The following PPIB variants were observed in gnomAD, a reference collection of about 807,000 sequenced individuals.
PPIB encodes the protein peptidylprolyl isomerase B.
Under a neutral mutation model 20.1 loss-of-function variants are expected in PPIB, and 15 were observed. That is an observed-to-expected ratio of 0.75 (90% CI 0.50 to 1.15). The LOEUF is 1.15. PPIB is among the 50% of genes most tolerant of loss of function. The pLI is 0.00. For missense variants in PPIB, 278 were observed against 283.0 expected (o/e 0.98, Z 0.13); for synonymous variants, 129 against 111.0 (o/e 1.16, Z -1.02).
Position 64,162,739 on chromosome 15 carries a change from A to C in PPIB, c.135+113T>G, listed in dbSNP as rs1346648200. On this transcript the variant is annotated intron_variant, in intron 1 of 4. Transcript: ENST00000300026. ...CTGGACTGAATGGGCAGGACGGCCCAGACGCCACGAGGCCACAGACAGAAG... is the reference window on the plus strand; with the variant it reads ...CTGGACTGAATGGGCAGGACGGCCCCGACGCCACGAGGCCACAGACAGAAG... 2.0e-6 allele frequency: 3 copies of C among 1,513,432 alleles called. No homozygotes were observed. The African/African-American group carries it at 4.2e-5, about 21-fold the overall frequency. The allele number at this position is 1,513,432 out of a possible 1,614,324, so 93.8% of individuals were successfully genotyped here.
At position 64,158,440 on chromosome 15, in the gene PPIB, T is replaced by C. The variant is rs2081547621; in HGVS notation, c.344-1531A>G. 6.6e-6 allele frequency among the ~76,000 whole-genome samples: 1 copy of C among 152,202 alleles called. No individual in the cohort carries two copies. Among genetic ancestry groups the C allele is most frequent in the Non-Finnish European group, 1.5e-5 (1 of 68,020 alleles). ...GGCTAGAGTTCAGACCAAGGTGGTC[T>C]GCTCTCGAATCTCTGCTCTCAGCCA... On this transcript the variant is annotated intron_variant, in intron 3 of 4. Coordinates refer to ENST00000300026, the MANE Select transcript of PPIB (RefSeq NM_000942.5). The surrounding 1 kb of genome is among the most constrained non-coding windows in gnomAD (Gnocchi z 4.7).
Position 64,163,004 on chromosome 15 carries a change from A to G in PPIB, c.-18T>C. The G allele has an allele frequency of 1.2e-6, 2 of 1,604,962 alleles. No homozygotes were observed. Among genetic ancestry groups the G allele is most frequent in the African/African-American group, 1.3e-5 (1 of 74,684 alleles). ...CGCAGCATCCACAGGCGGAGGCGAA[A>G]GCAGCCCGGACAGCTGAGGCCGGAA... On this transcript the variant is annotated 5_prime_UTR_variant, in exon 1 of 5. Transcript: ENST00000300026.
intron 1 of PPIB, among the ~76,000 whole-genome samples, 157 bp downstream of exon 1, chr15:64,162,695 G>A (rs998456698): frequency 6.6e-6 from 1 of 152,200 alleles, no homozygotes; most frequent in Non-Finnish European, 1.5e-5. Context: ...GGGGTGTCGG[G>A]GTGGGTCCGG....
In PPIB at chr15:64,158,503, G is replaced by A. The variant is rs539740780; in HGVS notation, c.344-1594C>T. Among the ~76,000 whole-genome samples, 13 of 152,290 alleles carry A rather than the reference G, an allele frequency of 8.5e-5. No individual in the cohort carries two copies. The South Asian group carries it at 2.7e-3, about 32-fold the overall frequency. ...GTCCAAATCTCCCTGCCCAGGGTCA[G>A]TGGCACCAATGCCCCCAGCAGCCTG... On this transcript the variant is annotated intron_variant, in intron 3 of 4. Coordinates refer to ENST00000300026, the MANE Select transcript of PPIB (RefSeq NM_000942.5). This position sits in a 1 kb window ranked among gnomAD's most constrained non-coding sequence, Gnocchi z 4.7.
rs1394402973 is a variant in PPIB at position 64,156,394 on chromosome 15, A to C, written c.529-249T>G. On this transcript the variant is annotated intron_variant, in intron 4 of 4. Transcript: ENST00000300026. This position sits in a 1 kb window ranked among gnomAD's most constrained non-coding sequence, Gnocchi z 6.4. ...TGGGCCAAGGGTGAGGAGGAGGAAG[A>C]GGGTGACCAGGGCATGTGGCTTCTC... The C allele has an allele frequency of 3.2e-6, 2 of 632,696 alleles. No homozygotes were observed. The highest frequency in any genetic ancestry group is 1.8e-5 in the South Asian group (1 of 54,276). 39.2% of individuals were successfully genotyped at this position (632,696 alleles called of 1,614,324 possible).
Position 64,162,847 on chromosome 15 carries a change from C to A in PPIB, c.135+5G>T, listed in dbSNP as rs2140184711. On this transcript the variant is annotated splice_donor_5th_base_variant and intron_variant, in intron 1 of 4. Transcript: ENST00000300026. The stretch of plus-strand genomic sequence containing the variant: ...GCACCGTAAATGCCGCGGACTCCAC[C>A]GGACCTTGACGGTGACTTTGGGCCC... 6.2e-7 allele frequency: 1 copy of A among 1,609,872 alleles called. No homozygotes were observed. The highest frequency in any genetic ancestry group is 2.2e-5 in the East Asian group (1 of 44,710).
Position 64,157,996 on chromosome 15 carries a change from T to C in PPIB, c.344-1087A>G, listed in dbSNP as rs1331249701. 6.6e-6 allele frequency among the ~76,000 whole-genome samples: 1 copy of C among 152,184 alleles called. No homozygotes were observed. The highest frequency in any genetic ancestry group is 1.5e-5 in the Non-Finnish European group (1 of 68,026). On this transcript the variant is annotated intron_variant, in intron 3 of 4. Transcript: ENST00000300026. This position sits in a 1 kb window ranked among gnomAD's most constrained non-coding sequence, Gnocchi z 4.2. ...AGTGCTGGCTAAAAGCCTCCCCCAT[T>C]TGAGCCAACTGTGGGATTTTGATTA... is the stretch of plus-strand genomic sequence containing the variant.
chr15:64,155,912 G>C lies in PPIB; in HGVS notation c.*111C>G. 1 of 1,522,690 alleles carries C rather than the reference G, an allele frequency of 6.6e-7. No individual in the cohort carries two copies. The highest frequency in any genetic ancestry group is 1.1e-5 in the South Asian group (1 of 88,922). The allele number at this position is 1,522,690 out of a possible 1,614,324, so 94.3% of individuals were successfully genotyped here. ...TCCATGGGCCTGTGGAATGTGAGGG[G>C]AGTGGGTCCGCTCCACCAGATGCCA... is the stretch of plus-strand genomic sequence containing the variant. On this transcript the variant is annotated 3_prime_UTR_variant, in exon 5 of 5. Transcript: ENST00000300026.
rs1203635251 is a variant in PPIB at position 64,160,266 on chromosome 15, T to G, written c.250-69A>C. 2 of 1,252,274 alleles carry G rather than the reference T, an allele frequency of 1.6e-6. No homozygotes were observed. The highest frequency in any genetic ancestry group is 3.4e-5 in the Admixed American group (2 of 58,090). The allele number at this position is 1,252,274 out of a possible 1,614,324, so 77.6% of individuals were successfully genotyped here. A position where few individuals can be genotyped will look rare whatever the true frequency, so the allele number is the denominator to read the frequency against. On this transcript the variant is annotated intron_variant, in intron 2 of 4. Coordinates refer to ENST00000300026, the MANE Select transcript of PPIB (RefSeq NM_000942.5). The surrounding 1 kb of genome is among the most constrained non-coding windows in gnomAD (Gnocchi z 4.8). The stretch of plus-strand genomic sequence containing the variant: ...AGGAAGACATTACATTAAATAGGCC[T>G]CACAGGAACAAGTCCACAACTCCTG...
rs1273830949 is a variant in PPIB, at chr15:64,161,409, C to T, written c.249+632G>A. 1.3e-5 allele frequency among the ~76,000 whole-genome samples: 2 copies of T among 151,982 alleles called. No individual in the cohort carries two copies. Among genetic ancestry groups the T allele is most frequent in the Non-Finnish European group, 2.9e-5 (2 of 67,994 alleles). ...CTGTAGCTGGGACCACAGGTGCACC[C>T]CGTCACACCCAGCTAATTAAAAAAA... On this transcript the variant is annotated intron_variant, in intron 2 of 4. Transcript: ENST00000300026. This position sits in a 1 kb window ranked among gnomAD's most constrained non-coding sequence, Gnocchi z 4.2.
chr15:64,162,825 C>A, intron 1 of PPIB, 27 bp downstream of exon 1: 1 of 1,605,978 alleles, frequency 6.2e-7, no homozygotes, highest in Non-Finnish European at 8.5e-7. Flanking sequence ...AGCTCCGGCA[C>A]CGTAAATGCC....
rs1217040932 is a variant in PPIB, at chr15:64,160,951, GT to G, written c.250-755del. Among the ~76,000 whole-genome samples the G allele has an allele frequency of 6.7e-6, 1 of 149,666 alleles. No individual in the cohort carries two copies. Among genetic ancestry groups the G allele is most frequent in the Non-Finnish European group, 1.5e-5 (1 of 67,404 alleles). ...AGGTGTGAGCCACCATGCCCAGCCT[GT>G]TTTTTTATTTTTTATTTTTATTTTT... On this transcript the variant is annotated intron_variant, in intron 2 of 4. Transcript: ENST00000300026. The surrounding 1 kb of genome is among the most constrained non-coding windows in gnomAD (Gnocchi z 4.8).
chr15:64,156,248 T>C lies in PPIB; in HGVS notation c.529-103A>G. The C allele has an allele frequency of 6.9e-7, 1 of 1,458,622 alleles. No homozygotes were observed. 90.4% of individuals were successfully genotyped at this position (1,458,622 alleles called of 1,614,324 possible). A position where few individuals can be genotyped will look rare whatever the true frequency, so the allele number is the denominator to read the frequency against. On this transcript the variant is annotated intron_variant, in intron 4 of 4. Transcript: ENST00000300026. This position sits in a 1 kb window ranked among gnomAD's most constrained non-coding sequence, Gnocchi z 6.4. ...GCTCAGGAGGGCTAAGACCCACAAG[T>C]GATCAACAGCACACAAAACTGGAGG... is the stretch of plus-strand genomic sequence containing the variant.
At position 64,156,681 on chromosome 15, in the gene PPIB, C is replaced by G. The variant is rs1444855380; in HGVS notation, c.528+44G>C. ...CTGCCCTGGGGTCTGTGTTGAATCC[C>G]CGGTGAGGATTGCCCAGTAGTAGCC... is the stretch of plus-strand genomic sequence containing the variant. On this transcript the variant is annotated intron_variant, in intron 4 of 4. Coordinates refer to ENST00000300026, the MANE Select transcript of PPIB (RefSeq NM_000942.5). This position sits in a 1 kb window ranked among gnomAD's most constrained non-coding sequence, Gnocchi z 6.4. 1 of 1,608,682 alleles carries G rather than the reference C, an allele frequency of 6.2e-7. No individual in the cohort carries two copies. Among genetic ancestry groups the G allele is most frequent in the Non-Finnish European group, 8.5e-7 (1 of 1,175,092 alleles).
Position 64,159,718 on chromosome 15 carries a change from C to T in PPIB, c.343+386G>A, listed in dbSNP as rs1187276935. ...GGCCCTCTCACTCTTGCTGGGGCTT[C>T]CAGGGTAGCCTGGACAGGCTTTGGG... On this transcript the variant is annotated intron_variant, in intron 3 of 4. Coordinates refer to ENST00000300026, the MANE Select transcript of PPIB (RefSeq NM_000942.5). The surrounding 1 kb of genome is among the most constrained non-coding windows in gnomAD (Gnocchi z 5.1). The T allele has an allele frequency of 3.1e-6, 1 of 321,302 alleles. No homozygotes were observed. Among genetic ancestry groups the T allele is most frequent in the African/African-American group, 2.1e-5 (1 of 46,550 alleles). 19.9% of individuals were successfully genotyped at this position (321,302 alleles called of 1,614,324 possible).
At position 64,156,106 on chromosome 15, in the gene PPIB, G is replaced by C; in HGVS notation, c.568C>G (p.Arg190Gly). 1.9e-6 allele frequency: 3 copies of C among 1,614,180 alleles called. No homozygotes were observed. Among genetic ancestry groups the C allele is most frequent in the Non-Finnish European group, 2.5e-6 (3 of 1,180,032 alleles). The change falls in exon 5 of 5, where the codon CGG becomes GGG. Residue 190 changes from arginine (R) to glycine (G), a missense_variant. Transcript: ENST00000300026. This position sits in a 1 kb window ranked among gnomAD's most constrained non-coding sequence, Gnocchi z 6.4. Reference sequence around the variant, plus strand: ...ATCACATCCTTCAGGGGTTTATCCCGGCTGTCTGTCTTGGTGCTCTCCACC... The same window carrying C: ...ATCACATCCTTCAGGGGTTTATCCCCGCTGTCTGTCTTGGTGCTCTCCACC... ...RKVESTKTDS[R>G]DKPLKDVIIA...
chr15:64,157,120 T>C lies in PPIB; in HGVS notation c.344-211A>G. 1 of 601,108 alleles carries C rather than the reference T, an allele frequency of 1.7e-6. No homozygotes were observed. The highest frequency in any genetic ancestry group is 3.0e-6 in the Non-Finnish European group (1 of 338,900). The allele number at this position is 601,108 out of a possible 1,614,324, so 37.2% of individuals were successfully genotyped here. ...CAAGTGGGGCATCAGGCCAGGCTGA[T>C]GTGGTGAACAGCTCACAGAAGGATT... On this transcript the variant is annotated intron_variant, in intron 3 of 4. Transcript: ENST00000300026. The surrounding 1 kb of genome is among the most constrained non-coding windows in gnomAD (Gnocchi z 4.2).
chr15:64,157,926 C>T lies in PPIB; in HGVS notation c.344-1017G>A, dbSNP rs545826372. ...CTGTGCTCCACCTCTCACCCCCACG[C>T]TGGGGAGACTGGACTCTGCCACATG... is the stretch of plus-strand genomic sequence containing the variant. On this transcript the variant is annotated intron_variant, in intron 3 of 4. Coordinates refer to ENST00000300026, the MANE Select transcript of PPIB (RefSeq NM_000942.5). This position sits in a 1 kb window ranked among gnomAD's most constrained non-coding sequence, Gnocchi z 4.2. Among the ~76,000 whole-genome samples, 1 of 152,296 alleles carries T rather than the reference C, an allele frequency of 6.6e-6. No individual in the cohort carries two copies. The highest frequency in any genetic ancestry group is 6.5e-5 in the Admixed American group (1 of 15,308).
Position 64,160,237 on chromosome 15 carries a change from C to A in PPIB, c.250-40G>T, listed in dbSNP as rs1266187238. Reference sequence around the variant, plus strand: ...GAGAAGGTAAGGAGGTGGTATGGGGCAGCAGGAAGACATTACATTAAATAG... The same window carrying A: ...GAGAAGGTAAGGAGGTGGTATGGGGAAGCAGGAAGACATTACATTAAATAG... On this transcript the variant is annotated intron_variant, in intron 2 of 4. Coordinates refer to ENST00000300026, the MANE Select transcript of PPIB (RefSeq NM_000942.5). The surrounding 1 kb of genome is among the most constrained non-coding windows in gnomAD (Gnocchi z 4.8). 2.7e-6 allele frequency: 4 copies of A among 1,504,160 alleles called. No individual in the cohort carries two copies. The highest frequency in any genetic ancestry group is 1.4e-5 in the African/African-American group (1 of 72,522). 93.2% of individuals were successfully genotyped at this position (1,504,160 alleles called of 1,614,324 possible). A position where few individuals can be genotyped will look rare whatever the true frequency, so the allele number is the denominator to read the frequency against.
Sources: gnomAD v4.1 joint callset for allele counts (sites outside exome capture counted in the v4.1 genomes callset) on GRCh38, gnomAD v4.1.1 for gene constraint, Gnocchi (gnomAD v3.1) non-coding constraint, MANE v1.5 for transcripts, NCBI Gene and HGNC (gene_info 2026-07-23, HGNC 2026-07-21) for gene names.